Variants in CYP2C19 observed in about 807,000 individuals in gnomAD.
CYP2C19 encodes cytochrome P450 family 2 subfamily C member 19, also known as cytochrome P450 2C19.
Under a neutral mutation model 40.9 loss-of-function variants are expected in CYP2C19, and 59 were observed. The ratio of observed to expected loss-of-function variants is 1.44; its 90% confidence interval spans 1.17 to 1.79. CYP2C19 has a LOEUF of 1.79. CYP2C19 is among the 40% of genes most tolerant of loss of function. The pLI is 0.00. For synonymous variants in CYP2C19, 253 were observed against 208.7 expected (o/e 1.21, Z -1.83); for missense variants, 754 against 596.9 (o/e 1.26, Z -2.74).
At chr10:94,816,301 A>G (rs1849001340) in intron 5 of CYP2C19, among the ~76,000 whole-genome samples, 1 of 132,110 alleles carries the variant, frequency 7.6e-6, no homozygotes, top group Non-Finnish European at 1.7e-5. Flanking sequence ...CATAAGTGGG[A>G]TTTTATTTAT....
At chr10:94,840,223 G>A (rs1049964050) in intron 6 of CYP2C19, among the ~76,000 whole-genome samples, 7 of 150,892 alleles carry the variant, frequency 4.6e-5, no homozygotes, top group Admixed American at 1.3e-4. Flanking sequence ...AAGGAATGGG[G>A]CACACTTTTT....
chr10:94,821,932 A>G (rs1250843566), intron 6 of CYP2C19, among the ~76,000 whole-genome samples: 1 of 151,976 alleles, frequency 6.6e-6, no homozygotes, highest in Non-Finnish European at 1.5e-5. Flanking sequence ...TCCAACCCAC[A>G]TCCCTTCTCT....
At chr10:94,792,389 T>C (rs1848616407) in intron 5 of CYP2C19, among the ~76,000 whole-genome samples, 1 of 152,178 alleles carries the variant, frequency 6.6e-6, no homozygotes, top group South Asian at 2.1e-4. Context: ...AATTTGATCC[T>C]GTCATTATGA....
intron 5 of CYP2C19, among the ~76,000 whole-genome samples, chr10:94,800,677 G>T (rs922691595): frequency 9.2e-5 from 14 of 152,322 alleles, no homozygotes; most frequent in Non-Finnish European, 1.3e-4. Flanking sequence ...GCTCCACCCA[G>T]TTCAAGCTTC....
intron 6 of CYP2C19, among the ~76,000 whole-genome samples, chr10:94,831,530 G>T (rs1367640532): frequency 3.3e-5 from 5 of 152,152 alleles, no homozygotes; most frequent in South Asian, 2.1e-4. Flanking sequence ...CGTTGTACAA[G>T]GGTCCACTTA....
At chr10:94,820,337 G>A (rs1424150541) in intron 5 of CYP2C19, among the ~76,000 whole-genome samples, 159 bp from the exon 6 acceptor site, 2 of 151,962 alleles carry the variant, frequency 1.3e-5, no homozygotes, top group African/African-American at 4.8e-5. Flanking sequence ...GCACAAGACA[G>A]GGATGCCCTC....
intron 5 of CYP2C19, among the ~76,000 whole-genome samples, chr10:94,795,135 CTAA>C (rs1472068479): frequency 5.4e-5 from 8 of 147,820 alleles, no homozygotes; most frequent in Admixed American, 2.0e-4. Flanking sequence ...GGTATATCTC[CTAA>C]TGTTATCCCT....
intron 6 of CYP2C19, among the ~76,000 whole-genome samples, chr10:94,822,917 A>AT (rs552158198): frequency 0.049 from 7,260 of 148,096 alleles, 232 homozygotes; most frequent in South Asian, 0.12. Context: ...ACCATTTCTA[A>AT]TTTTTTTTTT....
chr10:94,762,733 T>C lies in CYP2C19; in HGVS notation c.28T>C (p.Cys10Arg), dbSNP rs200381600. 6.2e-7 allele frequency: 1 copy of C among 1,613,734 alleles called. No homozygotes were observed. The highest frequency in any genetic ancestry group is 8.5e-7 in the Non-Finnish European group (1 of 1,179,822). The change falls in exon 1 of 9, where the codon TGT (cysteine) becomes CGT (arginine). Residue 10 changes from cysteine to arginine, a missense_variant. By Grantham distance (180) the Cys-to-Arg change is radical. Transcript: ENST00000371321. ...GGATCCTTTTGTGGTCCTTGTGCTC[T>C]GTCTCTCATGTTTGCTTCTCCTTTC... MDPFVVLVL[C>R]LSCLLLLSIW...
intron 5 of CYP2C19, among the ~76,000 whole-genome samples, chr10:94,815,667 T>G (rs911562012): frequency 1.1e-4 from 16 of 152,354 alleles, no homozygotes; most frequent in Admixed American, 1.0e-3. Flanking sequence ...CTTTGTATAT[T>G]TTTATTTATT....
At chr10:94,829,309 A>C (rs374112578) in intron 6 of CYP2C19, among the ~76,000 whole-genome samples, 2 of 152,242 alleles carry the variant, frequency 1.3e-5, no homozygotes, top group Non-Finnish European at 2.9e-5. Flanking sequence ...ACCAATCCGA[A>C]GTAGATTTGG....
At chr10:94,823,519 T>C (rs559396876) in intron 6 of CYP2C19, among the ~76,000 whole-genome samples, 44 of 152,288 alleles carry the variant, frequency 2.9e-4, no homozygotes, top group African/African-American at 1.0e-3. Context: ...CATTTTTCTT[T>C]TGCCATCTTA....
chr10:94,762,855 C>G lies in CYP2C19; in HGVS notation c.150C>G (p.Val50=). Reference sequence around the variant, plus strand: ...TCCTACAGATAGATATTAAGGATGTCAGCAAATCCTTAACCAATGTAAGTA... The same window carrying G: ...TCCTACAGATAGATATTAAGGATGTGAGCAAATCCTTAACCAATGTAAGTA... ...GNILQIDIKD[V]SKSLTNLSKI... The change falls in exon 1 of 9, where the codon GTC becomes GTG. Residue 50 remains valine, a synonymous_variant. Transcript: ENST00000371321. 6.2e-7 allele frequency: 1 copy of G among 1,613,708 alleles called. No individual in the cohort carries two copies. Among genetic ancestry groups the G allele is most frequent in the Non-Finnish European group, 8.5e-7 (1 of 1,179,712 alleles).
chr10:94,851,103 G>A (rs929107404), intron 8 of CYP2C19, among the ~76,000 whole-genome samples: 2 of 152,054 alleles, frequency 1.3e-5, no homozygotes, highest in African/African-American at 4.8e-5. Flanking sequence ...CCTGAGACTG[G>A]GTAATTTATG....
intron 5 of CYP2C19, among the ~76,000 whole-genome samples, chr10:94,808,473 T>C (rs370299681): frequency 4.3e-4 from 66 of 152,288 alleles, no homozygotes; most frequent in African/African-American, 1.5e-3. Flanking sequence ...AAATGTATGA[T>C]TGACTAATTA....
rs1211659168 is a variant in CYP2C19, at chr10:94,792,122, C to T, written c.819+10125C>T. 2.0e-5 allele frequency among the ~76,000 whole-genome samples: 3 copies of T among 152,098 alleles called. No homozygotes were observed. In the East Asian group the frequency reaches 5.8e-4, roughly 29 times the overall value. Reference sequence around the variant, plus strand: ...GATCCCTTTACCATTATATATTGGCCTAGTTTGTCTCTTTTGATCTTTGTT... The same window carrying T: ...GATCCCTTTACCATTATATATTGGCTTAGTTTGTCTCTTTTGATCTTTGTT... On this transcript the variant is annotated intron_variant, in intron 5 of 8. Transcript: ENST00000371321.
chr10:94,816,579 CTT>C (rs199878684), intron 5 of CYP2C19, among the ~76,000 whole-genome samples: 2 of 145,280 alleles, frequency 1.4e-5, no homozygotes, highest in East Asian at 2.0e-4. Context: ...TAGTCTCTTT[CTT>C]TTTTTTTTTA....
intron 5 of CYP2C19, among the ~76,000 whole-genome samples, chr10:94,816,577 TTC>T (rs1430085862): frequency 6.6e-6 from 1 of 151,444 alleles, no homozygotes. Context: ...TGTAGTCTCT[TTC>T]TTTTTTTTTT....
At chr10:94,840,591 A>C (rs1589375637) in intron 6 of CYP2C19, among the ~76,000 whole-genome samples, 2 of 152,140 alleles carry the variant, frequency 1.3e-5, no homozygotes, top group African/African-American at 4.8e-5. Flanking sequence ...GCTACACTTT[A>C]AAGAAAGTCG....
Sources: gnomAD v4.1 joint callset for allele counts (sites outside exome capture counted in the v4.1 genomes callset) on GRCh38, gnomAD v4.1.1 for gene constraint, MANE v1.5 for transcripts, NCBI Gene and HGNC (gene_info 2026-07-23, HGNC 2026-07-21) for gene names.